The following BTAF1 variants were observed in gnomAD, a reference collection of about 807,000 sequenced individuals.
The protein encoded by BTAF1 is B-TFIID TATA-box binding protein associated factor 1.
A neutral mutation model predicts 227.1 loss-of-function variants in BTAF1; 38 were observed. The ratio of observed to expected loss-of-function variants is 0.17; its 90% CI spans 0.13 to 0.22. The LOEUF (loss-of-function observed/expected upper bound fraction) is 0.22, where lower values mean the gene tolerates loss of function less well. BTAF1 is among the 10% of genes least tolerant of loss of function. BTAF1 has a pLI of 1.00. For synonymous variants in BTAF1, 742 were observed against 751.9 expected (o/e 0.99, Z 0.21); for missense variants, 1,598 against 2,204.0 (o/e 0.73, Z 5.51).
At chr10:91,942,387 A>G (rs749331695) in intron 3 of BTAF1, 35 bp from the exon 4 acceptor site, 10 of 1,592,428 alleles carry the variant, frequency 6.3e-6, no homozygotes, top group East Asian at 2.3e-5. Flanking sequence ...CACTTTGGCT[A>G]TATGGTCAAA....
intron 19 of BTAF1, among the ~76,000 whole-genome samples, chr10:91,986,990 A>C (rs1363913166): frequency 6.6e-6 from 1 of 151,730 alleles, no homozygotes; most frequent in Non-Finnish European, 1.5e-5. Flanking sequence ...CACCATTCTC[A>C]TGATTTAGTT....
rs1359790380 is a variant in BTAF1 at position 92,029,155 on chromosome 10, A to G, written c.*222A>G. On this transcript the variant is annotated 3_prime_UTR_variant, in exon 38 of 38. Transcript: ENST00000265990. ...TAATGTGAAATGGTTTAAATTTTAC[A>G]TGCTGAAAAGCTGCAGAGCAGAGGA... 4.8e-6 allele frequency: 2 copies of G among 415,340 alleles called. No individual in the cohort carries two copies. The allele number at this position is 415,340 out of a possible 1,614,324, so 25.7% of individuals were successfully genotyped here.
chr10:92,009,113 A>G lies in BTAF1; in HGVS notation c.4008A>G (p.Thr1336=), dbSNP rs373634883. The G allele has an allele frequency of 3.1e-6, 5 of 1,614,036 alleles. No homozygotes were observed. Among genetic ancestry groups the G allele is most frequent in the Non-Finnish European group, 4.2e-6 (5 of 1,180,004 alleles). The change falls in exon 28 of 38, where the codon ACA becomes ACG. Residue 1336 remains threonine (T), a synonymous_variant. Coordinates refer to ENST00000265990, the MANE Select transcript of BTAF1 (RefSeq NM_003972.3). ...CTTCCTTAGTGGTTTGTCCGCCAACATTAACAGGCCATTGGGTGGATGAAG... is the reference window on the plus strand; with the variant it reads ...CTTCCTTAGTGGTTTGTCCGCCAACGTTAACAGGCCATTGGGTGGATGAAG... ...PLPSLVVCPP[T]LTGHWVDEVG... is the part of the protein sequence containing the mutation.
At chr10:91,951,704 C>A (rs1461833160) in intron 5 of BTAF1, 138 bp downstream of exon 5, 12 of 880,086 alleles carry the variant, frequency 1.4e-5, no homozygotes, top group Non-Finnish European at 1.8e-5. Flanking sequence ...AATTTAGCAT[C>A]TTTTTTTAAC....
intron 18 of BTAF1, 104 bp from the exon 19 acceptor site, chr10:91,984,097 G>C: frequency 1.0e-6 from 1 of 971,110 alleles, no homozygotes; most frequent in Non-Finnish European, 1.5e-6. Context: ...TATAGATTCA[G>C]TACAAGTAAG....
chr10:91,928,675 T>C (rs781667777), intron 1 of BTAF1, among the ~76,000 whole-genome samples: 2 of 152,098 alleles, frequency 1.3e-5, no homozygotes, highest in African/African-American at 4.8e-5. Context: ...ATGTGTTACT[T>C]AGTTGGGATT....
chr10:91,928,335 C>G (rs184071928), intron 1 of BTAF1, among the ~76,000 whole-genome samples: 1 of 152,220 alleles, frequency 6.6e-6, no homozygotes, highest in Non-Finnish European at 1.5e-5. Context: ...TTGTTACTCT[C>G]TAAAATTGTA....
chr10:92,001,446 A>T (rs971227073), intron 25 of BTAF1, among the ~76,000 whole-genome samples: 4 of 152,180 alleles, frequency 2.6e-5, no homozygotes, highest in African/African-American at 9.6e-5. Flanking sequence ...TTGTATTTCC[A>T]CTAAGCAGAG....
At chr10:92,009,988 T>C (rs537150654) in intron 28 of BTAF1, among the ~76,000 whole-genome samples, 5 of 152,208 alleles carry the variant, frequency 3.3e-5, no homozygotes, top group Non-Finnish European at 5.9e-5. Flanking sequence ...AATGTTGTTA[T>C]TAAAATTTTT....
chr10:91,946,704 G>A (rs1333745327), intron 4 of BTAF1, among the ~76,000 whole-genome samples: 1 of 152,124 alleles, frequency 6.6e-6, no homozygotes, highest in Non-Finnish European at 1.5e-5. Context: ...ACCTTCCTTA[G>A]AGAAATGTCA....
At chr10:91,958,437 C>T (rs1244835098) in intron 8 of BTAF1, among the ~76,000 whole-genome samples, 1 of 151,960 alleles carries the variant, frequency 6.6e-6, no homozygotes, top group East Asian at 1.9e-4. Flanking sequence ...CGTGGTGGCT[C>T]ATGCCTGTAA....
intron 11 of BTAF1, among the ~76,000 whole-genome samples, chr10:91,960,736 C>G (rs1053962811): frequency 6.6e-6 from 1 of 151,786 alleles, no homozygotes; most frequent in Non-Finnish European, 1.5e-5. Context: ...AGTACTAGAA[C>G]TAGAAACTAA....
intron 34 of BTAF1, among the ~76,000 whole-genome samples, chr10:92,019,365 GTCAGTTTTATGGATATAGCACATTTCAT>G (rs1164879726): frequency 6.6e-6 from 1 of 152,118 alleles, no homozygotes; most frequent in African/African-American, 2.4e-5. Context: ...TTATTCATTA[GTCAGTTTTATGGATATAGCACATTTCAT>G]TCATCCATTT....
intron 32 of BTAF1, among the ~76,000 whole-genome samples, chr10:92,014,993 T>A (rs1850613652): frequency 6.6e-6 from 1 of 152,210 alleles, no homozygotes; most frequent in African/African-American, 2.4e-5. Flanking sequence ...GATGACCATT[T>A]TATATGTAGT....
chr10:92,010,369 C>T (rs1850214472), intron 28 of BTAF1, among the ~76,000 whole-genome samples: 1 of 152,184 alleles, frequency 6.6e-6, no homozygotes, highest in African/African-American at 2.4e-5. Flanking sequence ...ATTCAGTTCT[C>T]AATATTCAAT....
At chr10:91,939,045 AT>A (rs1844830661) in intron 2 of BTAF1, among the ~76,000 whole-genome samples, 1 of 150,758 alleles carries the variant, frequency 6.6e-6, no homozygotes, top group Non-Finnish European at 1.5e-5. Context: ...TTTATAGTAT[AT>A]TACTGTTGTA....
At chr10:91,982,013 A>T in intron 16 of BTAF1, 70 bp from the exon 17 acceptor site, 10 of 1,497,618 alleles carry the variant, frequency 6.7e-6, no homozygotes, top group Non-Finnish European at 8.9e-6. Context: ...TAAAAATATC[A>T]TATTTTTGTT....
intron 1 of BTAF1, among the ~76,000 whole-genome samples, chr10:91,930,224 A>G (rs889661201): frequency 2.6e-5 from 4 of 152,216 alleles, no homozygotes; most frequent in Non-Finnish European, 2.9e-5. Flanking sequence ...ATTAGTATGT[A>G]CTATGTTTTG....
chr10:91,999,408 T>C (rs1849351357), intron 25 of BTAF1, among the ~76,000 whole-genome samples: 1 of 152,194 alleles, frequency 6.6e-6, no homozygotes, highest in Non-Finnish European at 1.5e-5. Flanking sequence ...CTTTTTTTTT[T>C]TGAGACGGAC....
Sources: gnomAD v4.1 joint callset for allele counts (sites outside exome capture counted in the v4.1 genomes callset) on GRCh38, gnomAD v4.1.1 for gene constraint, MANE v1.5 for transcripts, NCBI Gene and HGNC (gene_info 2026-07-23, HGNC 2026-07-21) for gene names.